Variants in DIAPH2 observed in about 807,000 individuals in gnomAD.
The protein encoded by DIAPH2 is protein diaphanous homolog 2.
DIAPH2 carries 35 observed loss-of-function variants against 92.7 expected under a neutral mutation model. The ratio of observed to expected loss-of-function variants is 0.38; its 90% confidence interval spans 0.29 to 0.50. The LOEUF (loss-of-function observed/expected upper bound fraction) is 0.50, where lower values mean the gene tolerates loss of function less well. DIAPH2 is among the 20% of genes least tolerant of loss of function. The pLI is 0.94. For missense variants in DIAPH2, 701 were observed against 819.5 expected (o/e 0.86, Z 1.77); for synonymous variants, 301 against 280.4 (o/e 1.07, Z -0.73).
chrX:97,465,810 T>A (rs192824074), intron 26 of DIAPH2, among the ~76,000 whole-genome samples: 1 of 111,748 alleles, frequency 8.9e-6, no homozygotes, highest in African/African-American at 3.3e-5. Context: ...TGCCTCAGCC[T>A]CCCAAGTAGC....
At chrX:97,000,895 G>A (rs955917475) in intron 17 of DIAPH2, among the ~76,000 whole-genome samples, 2 of 111,265 alleles carry the variant, frequency 1.8e-5, no homozygotes, top group African/African-American at 6.6e-5. Context: ...GTCAGCCCAT[G>A]TGCCTGTCAC....
intron 10 of DIAPH2, among the ~76,000 whole-genome samples, chrX:96,935,699 A>G (rs1198236240): frequency 8.9e-6 from 1 of 111,989 alleles, no homozygotes; most frequent in Admixed American, 9.5e-5. Flanking sequence ...TCTGGGCCTA[A>G]TTAAGAACTA....
intron 1 of DIAPH2, among the ~76,000 whole-genome samples, chrX:96,702,362 C>T (rs772110475): frequency 6.3e-5 from 7 of 111,883 alleles, no homozygotes; most frequent in Non-Finnish European, 1.1e-4. Flanking sequence ...CTCAGTGCTG[C>T]GGTAAGCATT....
intron 26 of DIAPH2, among the ~76,000 whole-genome samples, chrX:97,566,645 T>TA (rs1723730344): frequency 8.9e-6 from 1 of 111,992 alleles, no homozygotes; most frequent in Non-Finnish European, 1.9e-5. Flanking sequence ...ATGTTACATG[T>TA]AAAAAATTTT....
intron 17 of DIAPH2, among the ~76,000 whole-genome samples, chrX:97,018,585 G>A (rs2066275958): frequency 8.9e-6 from 1 of 111,961 alleles, no homozygotes; most frequent in South Asian, 3.7e-4. Flanking sequence ...CGAATGACTA[G>A]TGCTATATTC....
At chrX:97,390,208 C>CTTTTTTT (rs142044871) in intron 25 of DIAPH2, among the ~76,000 whole-genome samples, 29 of 33,193 alleles carry the variant, frequency 8.7e-4, no homozygotes, top group Admixed American at 2.5e-3. Context: ...TGCTTTCTGT[C>CTTTTTTT]TTTTTTTTTT....
intron 22 of DIAPH2, among the ~76,000 whole-genome samples, chrX:97,164,857 A>C (rs2067400295): frequency 8.9e-6 from 1 of 112,605 alleles, no homozygotes; most frequent in African/African-American, 3.2e-5. Flanking sequence ...GGTTTGCCGT[A>C]TGGTCCTCTG....
intron 17 of DIAPH2, among the ~76,000 whole-genome samples, chrX:97,064,017 A>C (rs1359743715): frequency 8.9e-6 from 1 of 112,203 alleles, no homozygotes; most frequent in Non-Finnish European, 1.9e-5. Context: ...AATATTCACT[A>C]TCTAGCCTTA....
chrX:97,282,552 G>A (rs1162939788), intron 23 of DIAPH2, among the ~76,000 whole-genome samples: 1 of 111,199 alleles, frequency 9.0e-6, no homozygotes. Context: ...CTCATGATTC[G>A]CCTGCCTTGG....
At chrX:97,537,886 CTTT>C (rs778796568) in intron 26 of DIAPH2, among the ~76,000 whole-genome samples, 7 of 92,307 alleles carry the variant, frequency 7.6e-5, no homozygotes, top group Non-Finnish European at 4.3e-5. Flanking sequence ...AGACTAAATT[CTTT>C]TTTTTTTTTT....
chrX:97,507,266 C>T (rs1403531031), intron 26 of DIAPH2, among the ~76,000 whole-genome samples: 1 of 108,106 alleles, frequency 9.3e-6, no homozygotes, highest in African/African-American at 3.4e-5. Flanking sequence ...ACATATAGTA[C>T]ATACTCAATA....
At chrX:97,465,506 A>G (rs781051583) in intron 26 of DIAPH2, among the ~76,000 whole-genome samples, 9 of 111,808 alleles carry the variant, frequency 8.0e-5, no homozygotes, top group Non-Finnish European at 1.7e-4. Flanking sequence ...TAAGTTGTCA[A>G]GAGATGATTT....
chrX:97,569,023 G>A (rs1160976975), intron 26 of DIAPH2, among the ~76,000 whole-genome samples: 5 of 111,913 alleles, frequency 4.5e-5, no homozygotes, highest in Non-Finnish European at 3.8e-5. Flanking sequence ...GACTTTATGC[G>A]ACAGAGCTTT....
intron 5 of DIAPH2, among the ~76,000 whole-genome samples, chrX:96,912,106 G>A (rs774026246): frequency 2.7e-5 from 3 of 111,388 alleles, no homozygotes; most frequent in East Asian, 2.8e-4. Context: ...AGGCAGTGCT[G>A]TGTAATGGGC....
intron 3 of DIAPH2, among the ~76,000 whole-genome samples, chrX:96,749,145 A>AAAAAATATATATATAT (rs1252042191): frequency 1.3e-5 from 1 of 79,823 alleles, no homozygotes; most frequent in African/African-American, 5.1e-5. Flanking sequence ...AAAAAAAAAA[A>AAAAAATATATATATAT]ATATATATAT....
chrX:97,253,293 A>AAAAATAAAATAAAATAAAATAAAAT (rs60254229), intron 23 of DIAPH2, among the ~76,000 whole-genome samples: 3,522 of 91,679 alleles, frequency 0.038, 109 homozygotes, highest in African/African-American at 0.081. Flanking sequence ...CTCCGTAAAA[A>AAAAATAAAATAAAATAAAATAAAAT]AAAATAAAAT....
chrX:97,469,173 A>C (rs2070540372), intron 26 of DIAPH2, among the ~76,000 whole-genome samples: 1 of 111,697 alleles, frequency 9.0e-6, no homozygotes. Flanking sequence ...GGCATCCATT[A>C]GGACAAACAT....
chrX:97,132,415 G>A (rs191418856), intron 21 of DIAPH2, among the ~76,000 whole-genome samples: 3 of 111,592 alleles, frequency 2.7e-5, no homozygotes, highest in South Asian at 3.8e-4. Context: ...AAACCTGTCC[G>A]GTCATAGCTA....
chrX:97,576,827 A>T (rs878909009), intron 26 of DIAPH2, among the ~76,000 whole-genome samples: 1 of 111,875 alleles, frequency 8.9e-6, no homozygotes, highest in Admixed American at 9.5e-5. Context: ...TTCAAAAGGT[A>T]GTTAAATAAT....
Sources: allele counts gnomAD v4.1 joint callset (sites outside exome capture counted in the v4.1 genomes callset), GRCh38; gene constraint gnomAD v4.1.1; transcripts MANE v1.5; gene names NCBI Gene and HGNC (gene_info 2026-07-23, HGNC 2026-07-21).